Variants in RYR1 observed in about 807,000 individuals in gnomAD.
RYR1 encodes the protein central core disease of muscle.
RYR1 carries 342 observed loss-of-function variants against 583.5 expected under a neutral mutation model. The observed-to-expected ratio is 0.59, with a 90% CI of 0.54 to 0.64. The LOEUF is 0.64. Ranked by LOEUF, RYR1 falls within the 30% of genes least tolerant of loss-of-function variation. RYR1 has a pLI of 0.00. For missense variants in RYR1, 6,032 were observed against 6,917.2 expected (o/e 0.87, Z 4.54); for synonymous variants, 2,791 against 2,822.5 (o/e 0.99, Z 0.35).
intron 97 of RYR1, among the ~76,000 whole-genome samples, 198 bp from the exon 98 acceptor site, chr19:38,577,720 C>T (rs1196858485): frequency 6.6e-6 from 1 of 151,942 alleles, no homozygotes; most frequent in Non-Finnish European, 1.5e-5. Flanking sequence ...CGCTTGAACC[C>T]GGGAGGCACA....
chr19:38,488,752 G>C (rs1031135603), intron 34 of RYR1, among the ~76,000 whole-genome samples: 4 of 152,092 alleles, frequency 2.6e-5, no homozygotes, highest in Non-Finnish European at 1.5e-5. Context: ...TGATCTGCCC[G>C]CCTTGGTCTC....
intron 67 of RYR1, among the ~76,000 whole-genome samples, chr19:38,521,727 T>C (rs1971233811): frequency 6.7e-6 from 1 of 149,818 alleles, no homozygotes; most frequent in Non-Finnish European, 1.5e-5. Context: ...TTTTTTTTTT[T>C]TTTTTGAGAT....
In RYR1 at chr19:38,499,936, CG is replaced by C. The variant is rs1568501553; in HGVS notation, c.7246del (p.Val2416CysfsTer14). On this transcript the variant is annotated frameshift_variant, in exon 45 of 106. Transcript: ENST00000359596. LOFTEE classifies it high-confidence loss of function. This position sits in a 1 kb window ranked among gnomAD's most constrained non-coding sequence, Gnocchi z 7.3. ...TGGTGAGGAACCGCCTGAAGAAAAC[CG>C]GGTGCACCTGGGACACGCCATCATG... ...HFGEEPPEEN[R>X]VHLGHAIMSF... is the part of the protein sequence containing the mutation. 1 of 1,614,150 alleles carries C rather than the reference CG, an allele frequency of 6.2e-7. No individual in the cohort carries two copies. The highest frequency in any genetic ancestry group is 1.1e-5 in the South Asian group (1 of 91,082).
At chr19:38,517,009 C>T (rs574560721) in intron 65 of RYR1, among the ~76,000 whole-genome samples, 6 of 151,916 alleles carry the variant, frequency 3.9e-5, no homozygotes, top group East Asian at 1.9e-4. Context: ...AGAGACAAGG[C>T]GGGGAGACAG....
chr19:38,441,137 G>A (rs1369082622), intron 2 of RYR1, among the ~76,000 whole-genome samples: 1 of 151,516 alleles, frequency 6.6e-6, no homozygotes. Context: ...AACGTTCCTT[G>A]GCAGGTGGCT....
At position 38,587,255 on chromosome 19, in the gene RYR1, A is replaced by AATAT. The variant is rs60733320; in HGVS notation, c.15022-57_15022-54dup. ...GCAACAGAGCAACACCCTGTCTAAAAATATATATATATATATGTCTCAAGG... is the reference window on the plus strand; with the variant it reads ...GCAACAGAGCAACACCCTGTCTAAAAATATATATATATATATATATGTCTCAAGG... On this transcript the variant is annotated intron_variant, in intron 105 of 105. Coordinates refer to ENST00000359596, the MANE Select transcript of RYR1 (RefSeq NM_000540.3). 2.2e-3 allele frequency: 2,185 copies of AATAT among 978,946 alleles called. 12 individuals carry two copies. The African/African-American group carries it at 0.027, about 12-fold the overall frequency. The allele number at this position is 978,946 out of a possible 1,614,324, so 60.6% of individuals were successfully genotyped here.
chr19:38,561,170 T>C lies in RYR1; in HGVS notation c.12340T>C (p.Ser4114Pro). 3.7e-6 allele frequency: 6 copies of C among 1,614,050 alleles called. No homozygotes were observed. The highest frequency in any genetic ancestry group is 5.1e-6 in the Non-Finnish European group (6 of 1,180,008). ...AGAAATCCAGTTCCTGCTTTCGTGC[T>C]CCGAAGCGGATGAGAACGAAATGAT... The part of the protein sequence containing the change: ...GPEIQFLLSC[S>P]EADENEMINC... Residue 4114 changes from serine to proline, a missense_variant, in exon 90 of 106, where the codon TCC (serine) becomes CCC (proline). Coordinates refer to ENST00000359596, the MANE Select transcript of RYR1 (RefSeq NM_000540.3). This position sits in a 1 kb window ranked among gnomAD's most constrained non-coding sequence, Gnocchi z 4.8.
rs1431799421 is a variant in RYR1, at chr19:38,507,779, CA to C, written c.8885del (p.Gln2962ArgfsTer44). 2 of 1,613,826 alleles carry C rather than the reference CA, an allele frequency of 1.2e-6. No individual in the cohort carries two copies. The highest frequency in any genetic ancestry group is 1.7e-6 in the Non-Finnish European group (2 of 1,179,880). Reference sequence around the variant, plus strand: ...GCGGTTTGCCTTTGGCTTCCTGCAGCAGCTGCTGCGCTGGATGGACATTTCT... The same window carrying C: ...GCGGTTTGCCTTTGGCTTCCTGCAGCGCTGCTGCGCTGGATGGACATTTCT... ...EKRFAFGFLQ[Q>X]LLRWMDISQE... On this transcript the variant is annotated frameshift_variant, in exon 58 of 106. Coordinates refer to ENST00000359596, the MANE Select transcript of RYR1 (RefSeq NM_000540.3). LOFTEE classifies it high-confidence loss of function.
chr19:38,443,964 G>A (rs966151736), intron 5 of RYR1, among the ~76,000 whole-genome samples, 168 bp downstream of exon 5: 1 of 152,110 alleles, frequency 6.6e-6, no homozygotes. Context: ...ACAGACACAC[G>A]TTGGGGACCA....
chr19:38,503,035 T>C lies in RYR1; in HGVS notation c.7926+65T>C, dbSNP rs1600838663. On this transcript the variant is annotated intron_variant, in intron 49 of 105. Coordinates refer to ENST00000359596, the MANE Select transcript of RYR1 (RefSeq NM_000540.3). Reference sequence around the variant, plus strand: ...CACCCACTGGTTTGCTCTTCCCTCCTACTGCGGGGCTCATTTGTGTCGGCA... The same window carrying C: ...CACCCACTGGTTTGCTCTTCCCTCCCACTGCGGGGCTCATTTGTGTCGGCA... 11 of 1,500,842 alleles carry C rather than the reference T, an allele frequency of 7.3e-6. No homozygotes were observed. In the East Asian group the frequency reaches 2.5e-4, roughly 34 times the overall value. 93.0% of individuals were successfully genotyped at this position (1,500,842 alleles called of 1,614,324 possible).
chr19:38,535,936 T>C, intron 81 of RYR1, 61 bp from the exon 82 acceptor site: 1 of 1,510,188 alleles, frequency 6.6e-7, no homozygotes, highest in South Asian at 1.2e-5. Flanking sequence ...TGCCAGGCCC[T>C]GGGAGAGAGG....
chr19:38,577,175 C>A (rs982766534), intron 97 of RYR1, among the ~76,000 whole-genome samples: 1 of 152,070 alleles, frequency 6.6e-6, no homozygotes, highest in African/African-American at 2.4e-5. Flanking sequence ...CACGAGCCAC[C>A]GCGCCCAGCC....
At chr19:38,527,619 G>A (rs751935048) in intron 72 of RYR1, 28 bp from the exon 73 acceptor site, 12 of 1,613,254 alleles carry the variant, frequency 7.4e-6, no homozygotes, top group South Asian at 1.1e-5. Flanking sequence ...GGTCCCTCAC[G>A]CCGGCCACTC....
At chr19:38,523,795 A>C in intron 69 of RYR1, 120 bp from the exon 70 acceptor site, 96 of 1,323,928 alleles carry the variant, frequency 7.3e-5, no homozygotes, top group Middle Eastern at 1.8e-4. Flanking sequence ...ATGCCCAGCT[A>C]GAGAATACAT....
rs1211460267 is a variant in RYR1, at chr19:38,509,443, TATTA to T, written c.8933-1054_8933-1051del. Among the ~76,000 whole-genome samples, 490 of 130,016 alleles carry T rather than the reference TATTA, an allele frequency of 3.8e-3. 2 individuals are homozygous for T. Among genetic ancestry groups the T allele is most frequent in the Non-Finnish European group, 5.1e-3 (323 of 62,898 alleles). The allele number at this position is 130,016 out of a possible 152,430, so 85.3% of individuals were successfully genotyped here. ...TAATTGGAGCCAGTATTATTATTATTATTATTATTTTTTTTTTTTTTTTTTTTGA... is the reference window on the plus strand; with the variant it reads ...TAATTGGAGCCAGTATTATTATTATTTTATTTTTTTTTTTTTTTTTTTTGA... On this transcript the variant is annotated intron_variant, in intron 58 of 105. Transcript: ENST00000359596.
chr19:38,512,841 A>T lies in RYR1; in HGVS notation c.9472+358A>T, dbSNP rs1249058700. Among the ~76,000 whole-genome samples, 1 of 151,626 alleles carries T rather than the reference A, an allele frequency of 6.6e-6. No homozygotes were observed. The highest frequency in any genetic ancestry group is 1.9e-4 in the East Asian group (1 of 5,142). ...AAATTTAAAGATTAGCCAGGCATGG[A>T]GGCACATGCCTGTAATCCCAGCTAC... On this transcript the variant is annotated intron_variant, in intron 63 of 105. Coordinates refer to ENST00000359596, the MANE Select transcript of RYR1 (RefSeq NM_000540.3). The surrounding 1 kb of genome is among the most constrained non-coding windows in gnomAD (Gnocchi z 5.1).
At chr19:38,451,340 G>A (rs1390431119) in intron 11 of RYR1, among the ~76,000 whole-genome samples, 2 of 152,162 alleles carry the variant, frequency 1.3e-5, no homozygotes, top group Admixed American at 6.6e-5. Flanking sequence ...GTCTCACCTC[G>A]TGGAAAGGTG....
intron 65 of RYR1, among the ~76,000 whole-genome samples, 193 bp from the exon 66 acceptor site, chr19:38,517,166 G>C (rs868117701): frequency 6.6e-6 from 1 of 151,974 alleles, no homozygotes; most frequent in Non-Finnish European, 1.5e-5. Flanking sequence ...AAGTGTTTGC[G>C]GGGCCACTGA....
chr19:38,507,420 G>A (rs1358289231), intron 57 of RYR1, among the ~76,000 whole-genome samples: 2 of 149,066 alleles, frequency 1.3e-5, no homozygotes, highest in Non-Finnish European at 3.0e-5. Context: ...ACTGGTGAGT[G>A]GAGGCGGGAC....
Sources: gnomAD v4.1 joint callset for allele counts (sites outside exome capture counted in the v4.1 genomes callset) on GRCh38, gnomAD v4.1.1 for gene constraint, Gnocchi (gnomAD v3.1) non-coding constraint, MANE v1.5 for transcripts, NCBI Gene and HGNC (gene_info 2026-07-23, HGNC 2026-07-21) for gene names.